Variants in SLC25A12 observed in about 807,000 individuals in gnomAD.
The protein encoded by SLC25A12 is solute carrier family 25 member 12.
Under a neutral mutation model 83.3 loss-of-function variants are expected in SLC25A12, and 32 were observed. The ratio of observed to expected loss-of-function variants is 0.38; its 90% confidence interval spans 0.29 to 0.52. The LOEUF (loss-of-function observed/expected upper bound fraction) is 0.52. Among genes scored for constraint, SLC25A12 ranks in the 20% least tolerant of loss-of-function variants. The pLI is 0.84. For missense variants in SLC25A12, 611 were observed against 835.6 expected, an observed-to-expected ratio of 0.73 and a Z score of 3.31; for synonymous variants, 267 against 291.1, an observed-to-expected ratio of 0.92 and a Z score of 0.84.
intron 2 of SLC25A12, among the ~76,000 whole-genome samples, chr2:171,881,176 G>A (rs1413209713): frequency 6.6e-6 from 1 of 151,396 alleles, no homozygotes; most frequent in Non-Finnish European, 1.5e-5. Flanking sequence ...TTGTTGAGAC[G>A]GAGTCTCACT....
intron 8 of SLC25A12, among the ~76,000 whole-genome samples, chr2:171,831,137 T>C (rs961751643): frequency 3.3e-5 from 5 of 152,208 alleles, no homozygotes; most frequent in African/African-American, 1.2e-4. Context: ...TTGTTTTTCT[T>C]CTCAGTTGAC....
intron 9 of SLC25A12, among the ~76,000 whole-genome samples, chr2:171,819,386 T>TATATA (rs56377434): frequency 0.77 from 88,196 of 114,856 alleles, 34,795 homozygotes; most frequent in East Asian, 0.89. Flanking sequence ...TTATATATAA[T>TATATA]ATATATTATA....
In SLC25A12 at chr2:171,835,010, A is replaced by G. The variant is rs1684526035; in HGVS notation, c.613-145T>C. On this transcript the variant is annotated intron_variant, in intron 6 of 17. Coordinates refer to ENST00000422440, the MANE Select transcript of SLC25A12 (RefSeq NM_003705.5). Reference sequence around the variant, plus strand: ...ACCAGTACATAAATACAAGGAAAGTATCACACTGAAACAGTGCACTGCATG... The same window carrying G: ...ACCAGTACATAAATACAAGGAAAGTGTCACACTGAAACAGTGCACTGCATG... 5.8e-6 allele frequency: 5 copies of G among 864,572 alleles called. No individual in the cohort carries two copies. The Admixed American group carries it at 1.0e-4, about 18-fold the overall frequency. 53.6% of individuals were successfully genotyped at this position (864,572 alleles called of 1,614,324 possible).
chr2:171,795,847 T>G (rs530223676), intron 13 of SLC25A12, among the ~76,000 whole-genome samples: 11 of 144,712 alleles, frequency 7.6e-5, no homozygotes, highest in Non-Finnish European at 1.4e-4. Context: ...TTTATACTCC[T>G]TTAACAATGC....
At chr2:171,872,018 A>C (rs938798828) in intron 2 of SLC25A12, among the ~76,000 whole-genome samples, 9 of 151,724 alleles carry the variant, frequency 5.9e-5, no homozygotes, top group African/African-American at 2.2e-4. Context: ...TTTTTTTTTA[A>C]CTAATTGGTG....
At chr2:171,851,194 T>G (rs536438452) in intron 4 of SLC25A12, among the ~76,000 whole-genome samples, 1 of 151,802 alleles carries the variant, frequency 6.6e-6, no homozygotes, top group Admixed American at 6.6e-5. Context: ...GGTTTTTTCT[T>G]GTTTGTTTTT....
chr2:171,894,048 A>T (rs1027192897), intron 1 of SLC25A12, among the ~76,000 whole-genome samples, 155 bp downstream of exon 1: 1 of 151,992 alleles, frequency 6.6e-6, no homozygotes, highest in Non-Finnish European at 1.5e-5. Context: ...CTCCGGTCCA[A>T]GCCCCGCACA....
At chr2:171,878,388 G>A (rs1452391030) in intron 2 of SLC25A12, among the ~76,000 whole-genome samples, 5 of 143,180 alleles carry the variant, frequency 3.5e-5, no homozygotes, top group Admixed American at 3.4e-4. Flanking sequence ...AATATAACTT[G>A]AAATAGTTAC....
chr2:171,882,449 G>A (rs1478709273), intron 2 of SLC25A12, among the ~76,000 whole-genome samples: 1 of 152,240 alleles, frequency 6.6e-6, no homozygotes, highest in Non-Finnish European at 1.5e-5. Context: ...TTTCTCTGCT[G>A]AATGGGTAGG....
At chr2:171,823,879 G>A (rs923851220) in intron 9 of SLC25A12, among the ~76,000 whole-genome samples, 20 of 152,006 alleles carry the variant, frequency 1.3e-4, no homozygotes, top group African/African-American at 3.6e-4. Flanking sequence ...CACCTGAGCC[G>A]GGGAGGTCAG....
intron 13 of SLC25A12, among the ~76,000 whole-genome samples, chr2:171,806,951 T>C (rs1249675777): frequency 6.6e-6 from 1 of 152,208 alleles, no homozygotes; most frequent in Non-Finnish European, 1.5e-5. Flanking sequence ...CCAGGTATCA[T>C]TTAGGAAATG....
rs536804239 is a variant in SLC25A12 at position 171,797,819 on chromosome 2, T to C, written c.1306-4052A>G. Reference sequence around the variant, plus strand: ...ATTAAATCACAATGATACACAGCTATATAAATGTAAATGGACATTGCTAAA... The same window carrying C: ...ATTAAATCACAATGATACACAGCTACATAAATGTAAATGGACATTGCTAAA... On this transcript the variant is annotated intron_variant, in intron 13 of 17. Coordinates refer to ENST00000422440, the MANE Select transcript of SLC25A12 (RefSeq NM_003705.5). 9.6e-4 allele frequency among the ~76,000 whole-genome samples: 146 copies of C among 152,328 alleles called. 1 individual carries two copies. The highest frequency in any genetic ancestry group is 3.4e-3 in the Middle Eastern group (1 of 294).
At chr2:171,790,446 C>A (rs1173023843) in intron 15 of SLC25A12, among the ~76,000 whole-genome samples, 1 of 152,154 alleles carries the variant, frequency 6.6e-6, no homozygotes, top group Admixed American at 6.5e-5. Context: ...TCAGGCTGTA[C>A]CTATGAGGTC....
At chr2:171,860,895 A>C (rs910707160) in intron 3 of SLC25A12, among the ~76,000 whole-genome samples, 4 of 152,100 alleles carry the variant, frequency 2.6e-5, no homozygotes, top group African/African-American at 7.2e-5. Flanking sequence ...CAGCCTAAGC[A>C]ACATAGAAAG....
chr2:171,862,120 G>A (rs1487019871), intron 3 of SLC25A12, among the ~76,000 whole-genome samples: 1 of 152,082 alleles, frequency 6.6e-6, no homozygotes, highest in African/African-American at 2.4e-5. Flanking sequence ...CTATATGCCT[G>A]TGTAACATAA....
At chr2:171,787,446 G>T (rs1690509791) in intron 17 of SLC25A12, 125 bp downstream of exon 17, 1 of 818,464 alleles carries the variant, frequency 1.2e-6, no homozygotes, top group Non-Finnish European at 2.2e-6. Context: ...TGTTTTAAAT[G>T]CATTGGTCTT....
chr2:171,854,717 T>C (rs1376236157), intron 4 of SLC25A12, among the ~76,000 whole-genome samples: 1 of 152,226 alleles, frequency 6.6e-6, no homozygotes, highest in African/African-American at 2.4e-5. Flanking sequence ...AAGGCACTAC[T>C]GATCCTTCTG....
Position 171,791,498 on chromosome 2 carries a change from T to C in SLC25A12, c.1538A>G (p.Asn513Ser), listed in dbSNP as rs374768423. The C allele has an allele frequency of 9.9e-5, 160 of 1,613,922 alleles. No homozygotes were observed. The highest frequency in any genetic ancestry group is 1.2e-4 in the Non-Finnish European group (143 of 1,179,944). ...AHCKLLLADENGHVGGLNLLA... is the reference protein window; with the variant it reads ...AHCKLLLADESGHVGGLNLLA... ...AAGATTTAAACCTCCCACGTGTCCA[T>C]TTTCATCAGCCAGAAGTAGTTTGCA... is the stretch of plus-strand genomic sequence containing the variant. The change falls in exon 15 of 18, where the codon AAT becomes AGT. Residue 513 changes from asparagine (N) to serine (S), a missense_variant. This residue lies in a region of SLC25A12 where 540 missense variants were observed against 777.5 expected (regional missense o/e 0.69). Coordinates refer to ENST00000422440, the MANE Select transcript of SLC25A12 (RefSeq NM_003705.5).
intron 13 of SLC25A12, among the ~76,000 whole-genome samples, chr2:171,795,796 T>G (rs1348070442): frequency 3.3e-5 from 3 of 89,786 alleles, no homozygotes; most frequent in South Asian, 4.3e-4. Flanking sequence ...CACAGCTGCC[T>G]CCTCCTCTTC....
Sources: gnomAD v4.1 joint callset for allele counts (sites outside exome capture counted in the v4.1 genomes callset) on GRCh38, gnomAD v4.1.1 for gene constraint, gnomAD v4.1.1 regional missense constraint, MANE v1.5 for transcripts, NCBI Gene and HGNC (gene_info 2026-07-23, HGNC 2026-07-21) for gene names.